The following NDST4 variants were observed in gnomAD, a reference collection of about 807,000 sequenced individuals.
NDST4 encodes the protein N-deacetylase and N-sulfotransferase 4, also known as N-heparan sulfate sulfotransferase 4.
NDST4 carries 63 observed loss-of-function variants against 100.8 expected under a neutral mutation model. The ratio of observed to expected loss-of-function variants is 0.62; its 90% confidence interval spans 0.51 to 0.77. NDST4 has a LOEUF of 0.77. Ranked by LOEUF, NDST4 falls within the 30% of genes least tolerant of loss-of-function variation. The pLI is 0.00. For missense variants in NDST4, 943 were observed against 1,018.4 expected (o/e 0.93, Z 1.01); for synonymous variants, 377 against 361.8 (o/e 1.04, Z -0.48).
intron 12 of NDST4, among the ~76,000 whole-genome samples, chr4:114,832,604 CCACATT>C (rs1723224497): frequency 6.6e-6 from 1 of 151,992 alleles, no homozygotes. Flanking sequence ...ATCTCCCATC[CCACATT>C]CATTCCCACT....
At chr4:114,869,705 G>A (rs1360797155) in intron 7 of NDST4, among the ~76,000 whole-genome samples, 8 of 152,096 alleles carry the variant, frequency 5.3e-5, no homozygotes, top group African/African-American at 1.9e-4. Context: ...ATGACATGTA[G>A]CAGTCAGTTT....
At chr4:115,015,449 G>A (rs1314430014) in intron 2 of NDST4, among the ~76,000 whole-genome samples, 3 of 152,012 alleles carry the variant, frequency 2.0e-5, no homozygotes, top group Non-Finnish European at 4.4e-5. Flanking sequence ...AAGGAGAAAT[G>A]GCCAATTATG....
chr4:114,919,149 A>G (rs987896112), intron 6 of NDST4, among the ~76,000 whole-genome samples: 2 of 152,202 alleles, frequency 1.3e-5, no homozygotes, highest in Non-Finnish European at 2.9e-5. Flanking sequence ...ATCCAACAAC[A>G]TACAGTGGTT....
At chr4:114,948,112 A>G (rs765162386) in intron 4 of NDST4, among the ~76,000 whole-genome samples, 1 of 152,140 alleles carries the variant, frequency 6.6e-6, no homozygotes, top group East Asian at 1.9e-4. Context: ...ATAAACTACT[A>G]CTTTCTCTTA....
intron 2 of NDST4, among the ~76,000 whole-genome samples, chr4:115,070,164 A>G (rs1489219360): frequency 6.6e-6 from 1 of 152,204 alleles, no homozygotes; most frequent in African/African-American, 2.4e-5. Flanking sequence ...AAGATATGCA[A>G]TTGATCTAAA....
rs533489985 is a variant in NDST4 at position 115,054,325 on chromosome 4, C to T, written c.978+21734G>A. Among the ~76,000 whole-genome samples, 12 of 152,112 alleles carry T rather than the reference C, an allele frequency of 7.9e-5. No homozygotes were observed. The South Asian group carries it at 2.5e-3, about 32-fold the overall frequency. On this transcript the variant is annotated intron_variant, in intron 2 of 13. Transcript: ENST00000264363. ...AACTAAATAAGGAAGAACTATTAGA[C>T]AGAAACTAGCTGAACTGAATTATTT...
chr4:114,977,695 A>G (rs966106607), intron 2 of NDST4, among the ~76,000 whole-genome samples: 3 of 151,958 alleles, frequency 2.0e-5, no homozygotes, highest in African/African-American at 7.2e-5. Context: ...GCAATTTAAT[A>G]TTTTATTTAA....
At chr4:114,951,959 G>C (rs1316382686) in intron 4 of NDST4, among the ~76,000 whole-genome samples, 2 of 152,148 alleles carry the variant, frequency 1.3e-5, no homozygotes, top group East Asian at 3.8e-4. Context: ...TTGCTTTAAA[G>C]CAAGTAAATT....
At chr4:114,983,889 C>T (rs1726837804) in intron 2 of NDST4, among the ~76,000 whole-genome samples, 1 of 152,034 alleles carries the variant, frequency 6.6e-6, no homozygotes. Context: ...GCACTATCCC[C>T]CAAGTGCAGT....
At chr4:114,995,895 A>G (rs1727150234) in intron 2 of NDST4, among the ~76,000 whole-genome samples, 2 of 152,060 alleles carry the variant, frequency 1.3e-5, no homozygotes, top group African/African-American at 4.8e-5. Context: ...ATAGGGAGAA[A>G]AATACTTACC....
At chr4:114,968,065 G>A (rs969595539) in intron 4 of NDST4, among the ~76,000 whole-genome samples, 1 of 152,168 alleles carries the variant, frequency 6.6e-6, no homozygotes, top group Non-Finnish European at 1.5e-5. Context: ...TCTGGTGCCT[G>A]AGTCCTTGAT....
At chr4:115,107,793 A>G (rs1729860438) in intron 1 of NDST4, among the ~76,000 whole-genome samples, 1 of 152,120 alleles carries the variant, frequency 6.6e-6, no homozygotes, top group Non-Finnish European at 1.5e-5. Flanking sequence ...CCTTATTTTT[A>G]TGAACATTAT....
At chr4:114,836,558 T>C (rs1453312817) in intron 11 of NDST4, among the ~76,000 whole-genome samples, 2 of 152,164 alleles carry the variant, frequency 1.3e-5, no homozygotes, top group Non-Finnish European at 2.9e-5. Flanking sequence ...ATTTTTTTCT[T>C]CGTTTCAACC....
chr4:115,035,940 A>T (rs1728223733), intron 2 of NDST4, among the ~76,000 whole-genome samples: 1 of 152,012 alleles, frequency 6.6e-6, no homozygotes, highest in South Asian at 2.1e-4. Flanking sequence ...ACAGAAAGAT[A>T]ATGAGAGCAT....
intron 4 of NDST4, among the ~76,000 whole-genome samples, chr4:114,948,788 C>A (rs190689986): frequency 4.6e-4 from 70 of 152,064 alleles, no homozygotes; most frequent in South Asian, 3.3e-3. Context: ...ACTAAAGTGT[C>A]AACTACTTTA....
At chr4:114,985,848 T>C (rs528319453) in intron 2 of NDST4, among the ~76,000 whole-genome samples, 32 of 152,320 alleles carry the variant, frequency 2.1e-4, no homozygotes, top group African/African-American at 7.7e-4. Flanking sequence ...CAGGCCATTT[T>C]GTTGAGGCAT....
intron 6 of NDST4, among the ~76,000 whole-genome samples, chr4:114,930,937 A>T (rs1725498802): frequency 6.6e-6 from 1 of 152,104 alleles, no homozygotes; most frequent in Admixed American, 6.5e-5. Flanking sequence ...TTCCCAAAAA[A>T]AAATTAGCAA....
chr4:115,012,262 C>G (rs187300857), intron 2 of NDST4, among the ~76,000 whole-genome samples: 1 of 151,998 alleles, frequency 6.6e-6, no homozygotes, highest in East Asian at 1.9e-4. Flanking sequence ...TTTTTTACAA[C>G]CAGCAAAACA....
At chr4:114,970,137 C>T (rs528037889) in intron 4 of NDST4, among the ~76,000 whole-genome samples, 69 of 147,818 alleles carry the variant, frequency 4.7e-4, no homozygotes, top group African/African-American at 1.8e-3. Flanking sequence ...ACTATTTTTT[C>T]ATCTTCATAG....
Sources: gnomAD v4.1 joint callset for allele counts (sites outside exome capture counted in the v4.1 genomes callset) on GRCh38, gnomAD v4.1.1 for gene constraint, MANE v1.5 for transcripts, NCBI Gene and HGNC (gene_info 2026-07-23, HGNC 2026-07-21) for gene names.